The following TP73 variants were observed in gnomAD, a reference collection of about 807,000 sequenced individuals.
The protein encoded by TP73 is p53-like transcription factor.
TP73 carries 25 observed loss-of-function variants against 62.5 expected under a neutral mutation model. That is an observed-to-expected ratio of 0.40 (90% CI 0.29 to 0.56). The LOEUF is 0.56. Among genes scored for constraint, TP73 ranks in the 20% least tolerant of loss-of-function variants. The pLI is 0.46. For missense variants in TP73, 754 were observed against 913.3 expected (o/e 0.83, Z 2.25); for synonymous variants, 423 against 377.5 (o/e 1.12, Z -1.40).
intron 3 of TP73, among the ~76,000 whole-genome samples, chr1:3,698,402 A>C (rs948393770): frequency 6.6e-6 from 1 of 152,208 alleles, no homozygotes; most frequent in Non-Finnish European, 1.5e-5. Flanking sequence ...TCTCATAGGC[A>C]GCAGCACAGG....
rs529491156 is a variant in TP73 at position 3,707,410 on chromosome 1, G to A, written c.187-139G>A. The A allele has an allele frequency of 3.6e-5, 45 of 1,237,166 alleles. 1 individual carries two copies. In the South Asian group the frequency reaches 4.6e-4, roughly 13 times the overall value. 76.6% of individuals were successfully genotyped at this position (1,237,166 alleles called of 1,614,324 possible). Reference sequence around the variant, plus strand: ...AATGCAAGTAGTGGCCTGTTGGGATGGGGGAGAGACCCGGGGAAATATTTG... The same window carrying A: ...AATGCAAGTAGTGGCCTGTTGGGATAGGGGAGAGACCCGGGGAAATATTTG... On this transcript the variant is annotated intron_variant, in intron 3 of 13. Coordinates refer to ENST00000378295, the MANE Select transcript of TP73 (RefSeq NM_005427.4).
intron 6 of TP73, among the ~76,000 whole-genome samples, chr1:3,725,661 G>T (rs1314102228): frequency 7.0e-6 from 1 of 142,910 alleles, no homozygotes; most frequent in Non-Finnish European, 1.5e-5. Context: ...GGGGTGGGTG[G>T]ATGGATGGAT....
In TP73 at chr1:3,707,645, A is replaced by T. The variant is rs750754534; in HGVS notation, c.283A>T (p.Thr95Ser). 10 of 1,612,864 alleles carry T rather than the reference A, an allele frequency of 6.2e-6. No homozygotes were observed. The South Asian group carries it at 1.1e-4, about 18-fold the overall frequency. ...YTPEHAASVP[T>S]HSPYAQPSST... ...CCCAGAGCACGCCGCCAGCGTGCCC[A>T]CCCACTCGCCCTACGCACAACCCAG... The change falls in exon 4 of 14, where the codon ACC (threonine) becomes TCC (serine). Residue 95 changes from threonine to serine, a missense_variant. Coordinates refer to ENST00000378295, the MANE Select transcript of TP73 (RefSeq NM_005427.4).
chr1:3,715,117 T>C (rs2124441014), intron 4 of TP73, among the ~76,000 whole-genome samples: 1 of 152,272 alleles, frequency 6.6e-6, no homozygotes, highest in Admixed American at 6.5e-5. Flanking sequence ...CACAAGGCAG[T>C]CTGTGTGAGT....
intron 1 of TP73, among the ~76,000 whole-genome samples, chr1:3,653,354 C>A (rs1444948383): frequency 1.3e-5 from 2 of 152,148 alleles, no homozygotes; most frequent in Non-Finnish European, 2.9e-5. Context: ...AGCTCCTGGG[C>A]CGCCTCCTCC....
intron 3 of TP73, among the ~76,000 whole-genome samples, chr1:3,704,754 G>C (rs746572510): frequency 6.6e-6 from 1 of 152,178 alleles, no homozygotes; most frequent in Non-Finnish European, 1.5e-5. Flanking sequence ...CGGGGACTCT[G>C]GGGCGGGGCC....
chr1:3,678,486 G>A (rs1645425673), intron 1 of TP73, among the ~76,000 whole-genome samples: 1 of 152,232 alleles, frequency 6.6e-6, no homozygotes, highest in Non-Finnish European at 1.5e-5. Context: ...GTGCCTGTGA[G>A]CAGTGTTCCT....
At chr1:3,660,210 T>A (rs1644960431) in intron 1 of TP73, among the ~76,000 whole-genome samples, 1 of 152,210 alleles carries the variant, frequency 6.6e-6, no homozygotes, top group South Asian at 2.1e-4. Flanking sequence ...TTTGGGTGGA[T>A]TCCTCTTTCT....
At position 3,728,125 on chromosome 1, in the gene TP73, C is replaced by T. The variant is rs1641828724; in HGVS notation, c.986-4C>T. 2.5e-6 allele frequency: 4 copies of T among 1,609,008 alleles called. No homozygotes were observed. The Admixed American group carries it at 5.0e-5, about 20-fold the overall frequency. On this transcript the variant is annotated splice_polypyrimidine_tract_variant and splice_region_variant and intron_variant, in intron 8 of 13. Transcript: ENST00000378295. ...CACCCCGCCTGCCCTGCCTGGCCTT[C>T]CAGCCTTCAAGCAGAGCCCCCCTGC...
chr1:3,673,635 G>A (rs1208157470), intron 1 of TP73, among the ~76,000 whole-genome samples: 1 of 152,230 alleles, frequency 6.6e-6, no homozygotes, highest in Non-Finnish European at 1.5e-5. Context: ...GAGGGAACTG[G>A]AGTGTGTGCC....
At chr1:3,655,250 G>A (rs530228250) in intron 1 of TP73, among the ~76,000 whole-genome samples, 1 of 152,144 alleles carries the variant, frequency 6.6e-6, no homozygotes, top group Admixed American at 6.5e-5. Flanking sequence ...AGCCGGGGGT[G>A]GTGTCTGGTG....
chr1:3,676,262 A>C (rs1645366011), intron 1 of TP73, among the ~76,000 whole-genome samples: 1 of 137,084 alleles, frequency 7.3e-6, no homozygotes, highest in Non-Finnish European at 1.6e-5. Context: ...CCATGGGGAT[A>C]GGGCAGGGAT....
intron 4 of TP73, among the ~76,000 whole-genome samples, chr1:3,717,400 C>A (rs1640696835): frequency 6.6e-6 from 1 of 152,222 alleles, no homozygotes. Flanking sequence ...TTGGGCAAAC[C>A]CTTTCCTGCA....
At chr1:3,681,011 C>T (rs1557503645) in intron 1 of TP73, among the ~76,000 whole-genome samples, 2 of 152,246 alleles carry the variant, frequency 1.3e-5, no homozygotes, top group African/African-American at 4.8e-5. Context: ...GTGGATGGAG[C>T]GGTCACGCCC....
intron 1 of TP73, among the ~76,000 whole-genome samples, chr1:3,653,045 G>T (rs1644790025): frequency 6.6e-6 from 1 of 151,626 alleles, no homozygotes; most frequent in African/African-American, 2.4e-5. Context: ...TCGCCAGCAA[G>T]CTCCTCCCCG....
intron 4 of TP73, among the ~76,000 whole-genome samples, chr1:3,713,100 G>C (rs928985742): frequency 1.7e-4 from 26 of 152,236 alleles, no homozygotes; most frequent in Admixed American, 3.3e-4. Flanking sequence ...AGCCCAGGCT[G>C]TACCTTGGCC....
chr1:3,675,470 G>A (rs1332565012), intron 1 of TP73, among the ~76,000 whole-genome samples: 1 of 152,196 alleles, frequency 6.6e-6, no homozygotes, highest in Non-Finnish European at 1.5e-5. Context: ...GGTGGCCCGG[G>A]GCGGGTGGAG....
chr1:3,678,823 A>C (rs1645435863), intron 1 of TP73, among the ~76,000 whole-genome samples: 1 of 152,292 alleles, frequency 6.6e-6, no homozygotes, highest in African/African-American at 2.4e-5. Context: ...GGTGTCCTGG[A>C]AGATGCATCT....
chr1:3,654,634 T>G (rs1644827799), intron 1 of TP73, among the ~76,000 whole-genome samples: 1 of 152,186 alleles, frequency 6.6e-6, no homozygotes, highest in African/African-American at 2.4e-5. Flanking sequence ...CTCAGTGTCC[T>G]CACACATGAT....
Sources: allele counts gnomAD v4.1 joint callset (sites outside exome capture counted in the v4.1 genomes callset), GRCh38; gene constraint gnomAD v4.1.1; transcripts MANE v1.5; gene names NCBI Gene and HGNC (gene_info 2026-07-23, HGNC 2026-07-21).